The following VPS33A variants were observed in gnomAD, a reference collection of about 807,000 sequenced individuals.
VPS33A encodes the protein vacuolar protein sorting-associated protein 33A.
A neutral mutation model predicts 71.8 loss-of-function variants in VPS33A; 32 were observed. The observed-to-expected ratio is 0.45, with a 90% CI of 0.34 to 0.60. The LOEUF is 0.60. VPS33A is among the 20% of genes least tolerant of loss of function. The pLI is 0.02. For synonymous variants in VPS33A, 311 were observed against 292.7 expected (o/e 1.06, Z -0.64); for missense variants, 625 against 748.5 (o/e 0.84, Z 1.92).
chr12:122,266,173 A>G (rs1955068166), intron 1 of VPS33A, 134 bp downstream of exon 1: 5 of 1,322,914 alleles, frequency 3.8e-6, no homozygotes, highest in Non-Finnish European at 5.1e-6. Flanking sequence ...GGGTGCAGGT[A>G]AAAGGGCCCT....
At position 122,230,591 on chromosome 12, in the gene VPS33A, A is replaced by G. The variant is rs373176148; in HGVS notation, c.*1655T>C. Reference sequence around the variant, plus strand: ...TGAGACTCTGTCTCAAACAAACAAAAACAAAACAAAACAAAAACCTCCACT... The same window carrying G: ...TGAGACTCTGTCTCAAACAAACAAAGACAAAACAAAACAAAAACCTCCACT... On this transcript the variant is annotated 3_prime_UTR_variant, in exon 13 of 13. Transcript: ENST00000267199. 2.0e-5 allele frequency: 3 copies of G among 152,328 alleles called. No individual in the cohort carries two copies. The highest frequency in any genetic ancestry group is 7.2e-5 in the African/African-American group (3 of 41,552). The allele number at this position is 152,328 out of a possible 1,614,324, so 9.4% of individuals were successfully genotyped here.
intron 4 of VPS33A, among the ~76,000 whole-genome samples, chr12:122,259,376 T>G (rs78469000): frequency 6.6e-6 from 1 of 151,992 alleles, no homozygotes; most frequent in Non-Finnish European, 1.5e-5. Flanking sequence ...TGCGCCATCA[T>G]GCCTGGCTAA....
At chr12:122,239,534 A>G (rs1339370834) in intron 9 of VPS33A, among the ~76,000 whole-genome samples, 4 of 152,120 alleles carry the variant, frequency 2.6e-5, no homozygotes, top group Admixed American at 2.6e-4. Context: ...GGAGATCGAG[A>G]CCATCCTGGC....
At chr12:122,266,181 C>T in intron 1 of VPS33A, 126 bp downstream of exon 1, 1 of 1,397,258 alleles carries the variant, frequency 7.2e-7, no homozygotes, top group South Asian at 1.4e-5. Context: ...GTAAAAGGGC[C>T]CTGAGGCTCG....
In VPS33A at chr12:122,242,426, A is replaced by T; in HGVS notation, c.1052T>A (p.Leu351His). The T allele has an allele frequency of 6.2e-7, 1 of 1,614,176 alleles. No individual in the cohort carries two copies. Among genetic ancestry groups the T allele is most frequent in the African/African-American group, 1.3e-5 (1 of 75,064 alleles). ...LPHMQAARGS[L>H]ANHTSIAELI... Reference sequence around the variant, plus strand: ...TTCTGCAATTGAGGTATGGTTTGCAAGCGAGCCCCTTGCTGCCTGCATGTG... The same window carrying T: ...TTCTGCAATTGAGGTATGGTTTGCATGCGAGCCCCTTGCTGCCTGCATGTG... The change falls in exon 8 of 13, where the codon CTT (leucine) becomes CAT (histidine). Residue 351 changes from leucine to histidine, a missense_variant. Coordinates refer to ENST00000267199, the MANE Select transcript of VPS33A (RefSeq NM_022916.6).
At chr12:122,259,225 G>GTATA (rs1468543439) in intron 4 of VPS33A, among the ~76,000 whole-genome samples, 9 of 146,996 alleles carry the variant, frequency 6.1e-5, no homozygotes, top group Non-Finnish European at 1.4e-4. Context: ...ATGTATGTAT[G>GTATA]TATGTATTTT....
intron 6 of VPS33A, among the ~76,000 whole-genome samples, chr12:122,247,722 CCA>C (rs1954793612): frequency 2.0e-5 from 3 of 152,216 alleles, no homozygotes; most frequent in Non-Finnish European, 2.9e-5. Flanking sequence ...AGGACCACAG[CCA>C]GTATCTAGTT....
At chr12:122,265,050 G>GT (rs1270651960) in intron 1 of VPS33A, among the ~76,000 whole-genome samples, 1 of 151,044 alleles carries the variant, frequency 6.6e-6, no homozygotes, top group Admixed American at 6.6e-5. Context: ...AGCCTCTGGA[G>GT]TAACTGGGAC....
intron 1 of VPS33A, chr12:122,265,643 G>A (rs916620307): frequency 9.7e-6 from 4 of 410,976 alleles, no homozygotes; most frequent in Non-Finnish European, 1.5e-5. Flanking sequence ...TACCTCTTGG[G>A]GTTCTGTTCT....
intron 4 of VPS33A, 88 bp from the exon 5 acceptor site, chr12:122,251,187 C>A (rs1369159330): frequency 2.4e-6 from 2 of 845,796 alleles, no homozygotes; most frequent in Non-Finnish European, 3.8e-6. Context: ...CAGCGACAGA[C>A]AATAAAATCA....
At chr12:122,249,741 C>T in intron 6 of VPS33A, 130 bp downstream of exon 6, 2 of 957,192 alleles carry the variant, frequency 2.1e-6, no homozygotes, top group Non-Finnish European at 3.0e-6. Context: ...TATTAATCTA[C>T]ACTCTGAATC....
rs1954622007 is a variant in VPS33A, at chr12:122,235,800, C to T, written c.1426G>A (p.Asp476Asn). 1 of 1,611,624 alleles carries T rather than the reference C, an allele frequency of 6.2e-7. No homozygotes were observed. The highest frequency in any genetic ancestry group is 8.5e-7 in the Non-Finnish European group (1 of 1,179,006). The change falls in exon 11 of 13, where the codon GAT becomes AAT. Residue 476 changes from aspartate to asparagine, a missense_variant. Transcript: ENST00000267199. Reference sequence around the variant, plus strand: ...GTGTGGCTTACTTGCTCATTAACATCATCCATCCAGAGGCGTAATGTTTTC... The same window carrying T: ...GTGTGGCTTACTTGCTCATTAACATTATCCATCCAGAGGCGTAATGTTTTC... ...IRKTLRLWMD[D>N]VNEQNPTDIS...
At position 122,251,095 on chromosome 12, in the gene VPS33A, C is replaced by G. The variant is rs149732743; in HGVS notation, c.488G>C (p.Cys163Ser). The part of the protein sequence containing the change: ...SMESEGAFKE[C>S]YLEGDQTSLY... The stretch of plus-strand genomic sequence containing the variant: ...GCTCGTCTGGTCACCCTCCAGGTAG[C>G]ACTCCTGTGAGGGAAAAGGCCAATT... The change falls in exon 5 of 13, where the codon TGC becomes TCC. Residue 163 changes from cysteine (C) to serine (S), a missense_variant. Physicochemically the swap from Cys to Ser is moderately radical, Grantham distance 112. Coordinates refer to ENST00000267199, the MANE Select transcript of VPS33A (RefSeq NM_022916.6). 9 of 1,613,098 alleles carry G rather than the reference C, an allele frequency of 5.6e-6. No homozygotes were observed. Among genetic ancestry groups the G allele is most frequent in the Non-Finnish European group, 7.6e-6 (9 of 1,179,180 alleles).
At chr12:122,261,506 C>T in intron 3 of VPS33A, 59 bp from the exon 4 acceptor site, 1 of 1,544,294 alleles carries the variant, frequency 6.5e-7, no homozygotes, top group East Asian at 2.3e-5. Flanking sequence ...GACCATTTTG[C>T]TTTTTTTATC....
At chr12:122,263,422 TTC>T (rs767655881) in intron 3 of VPS33A, 148 bp downstream of exon 3, 20 of 915,580 alleles carry the variant, frequency 2.2e-5, no homozygotes, top group Non-Finnish European at 2.9e-5. Context: ...AGCCCCCATC[TTC>T]TCTTTTATAT....
chr12:122,244,681 T>G lies in VPS33A; in HGVS notation c.857A>C (p.Lys286Thr). 1 of 1,614,194 alleles carries G rather than the reference T, an allele frequency of 6.2e-7. No individual in the cohort carries two copies. Among genetic ancestry groups the G allele is most frequent in the Non-Finnish European group, 8.5e-7 (1 of 1,180,026 alleles). ...CTCCTCTGCAGAATTCAGCTGCAGCTTCTTTGCTTCCGTGGGGAGGTCCTT... is the reference window on the plus strand; with the variant it reads ...CTCCTCTGCAGAATTCAGCTGCAGCGTCTTTGCTTCCGTGGGGAGGTCCTT... ...GGKDLPTEAK[K>T]LQLNSAEELY... Residue 286 changes from lysine (K) to threonine (T), a missense_variant, in exon 7 of 13, where the codon AAG becomes ACG. Transcript: ENST00000267199.
At chr12:122,253,207 A>ACGCTTTC (rs1954868269) in intron 4 of VPS33A, 1 of 152,228 alleles carries the variant, frequency 6.6e-6, no homozygotes, top group South Asian at 2.1e-4. Context: ...GTCAAAAGAC[A>ACGCTTTC]CGCTTTTTGG....
intron 3 of VPS33A, 59 bp from the exon 4 acceptor site, chr12:122,261,506 CT>C: frequency 1.9e-6 from 3 of 1,544,272 alleles, no homozygotes; most frequent in Admixed American, 1.9e-5. Flanking sequence ...GACCATTTTG[CT>C]TTTTTTATCC....
intron 4 of VPS33A, among the ~76,000 whole-genome samples, chr12:122,254,215 A>G (rs1954884019): frequency 6.6e-6 from 1 of 152,282 alleles, no homozygotes; most frequent in African/African-American, 2.4e-5. Flanking sequence ...CTGTAACTCA[A>G]AACACAGAGA....
Sources: allele counts gnomAD v4.1 joint callset (sites outside exome capture counted in the v4.1 genomes callset), GRCh38; gene constraint gnomAD v4.1.1; transcripts MANE v1.5; gene names NCBI Gene and HGNC (gene_info 2026-07-23, HGNC 2026-07-21).